The following UTS2B variants were observed in gnomAD, a reference collection of about 807,000 sequenced individuals.
UTS2B encodes urotensin 2B, also known as urotensin-2B.
UTS2B carries 21 observed loss-of-function variants against 19.2 expected under a neutral mutation model. That is an observed-to-expected ratio of 1.09 (90% CI 0.78 to 1.58). The LOEUF (loss-of-function observed/expected upper bound fraction) is 1.58. Ranked by LOEUF, UTS2B falls within the 40% of genes most tolerant of loss-of-function variation. The probability of loss-of-function intolerance (pLI) is 0.00; values close to 1 mark genes in which losing one functional copy is unlikely to be tolerated. For synonymous variants in UTS2B, 57 were observed against 50.2 expected (o/e 1.14, Z -0.58); for missense variants, 138 against 130.3 (o/e 1.06, Z -0.29).
At chr3:191,329,530 C>T in intron 1 of UTS2B, 3 of 721,292 alleles carry the variant, frequency 4.2e-6, no homozygotes, top group Non-Finnish European at 6.4e-6. Flanking sequence ...CCTGCCCGCC[C>T]GACCCGCTCC....
intron 4 of UTS2B, among the ~76,000 whole-genome samples, chr3:191,286,339 G>C (rs1378239221): frequency 6.6e-6 from 1 of 152,098 alleles, no homozygotes; most frequent in African/African-American, 2.4e-5. Context: ...CTTCTCAGGT[G>C]CATGCCAAAT....
chr3:191,336,951 G>C, the UTS2B span, among the ~76,000 whole-genome samples: 2 of 152,136 alleles, frequency 1.3e-5, no homozygotes, highest in Non-Finnish European at 2.9e-5. Flanking sequence ...CTTTTACAGT[G>C]TTTAATGATT....
intron 4 of UTS2B, among the ~76,000 whole-genome samples, chr3:191,300,771 G>T (rs1396953374): frequency 6.6e-6 from 1 of 152,144 alleles, no homozygotes; most frequent in East Asian, 1.9e-4. Context: ...AAAGTGTGTG[G>T]CAACTGCCCC....
intron 5 of UTS2B, among the ~76,000 whole-genome samples, chr3:191,280,004 A>G (rs1340889383): frequency 6.6e-6 from 1 of 152,138 alleles, no homozygotes; most frequent in African/African-American, 2.4e-5. Flanking sequence ...GTGTAGACAC[A>G]CATTTGACAC....
intron 4 of UTS2B, among the ~76,000 whole-genome samples, chr3:191,301,218 T>C (rs536883741): frequency 2.0e-4 from 31 of 152,232 alleles, no homozygotes; most frequent in African/African-American, 7.2e-4. Flanking sequence ...GAAAAGAAAA[T>C]TTGTCTCATT....
chr3:191,288,226 T>A (rs769109253), intron 4 of UTS2B, among the ~76,000 whole-genome samples: 4 of 152,158 alleles, frequency 2.6e-5, no homozygotes, highest in Non-Finnish European at 5.9e-5. Context: ...TTCACCGCAA[T>A]CTCTTTTAAA....
At chr3:191,277,397 G>T (rs1716265908) in intron 6 of UTS2B, among the ~76,000 whole-genome samples, 1 of 151,982 alleles carries the variant, frequency 6.6e-6, no homozygotes, top group South Asian at 2.1e-4. Flanking sequence ...CCAGCATTTT[G>T]TTCTATGAAT....
chr3:191,306,028 G>C (rs1226876063), intron 3 of UTS2B, among the ~76,000 whole-genome samples: 1 of 152,120 alleles, frequency 6.6e-6, no homozygotes, highest in Admixed American at 6.5e-5. Context: ...TGGTCTATGT[G>C]TCTGTTCTTG....
In UTS2B at chr3:191,308,001, A is replaced by G. The variant is rs140234372; in HGVS notation, c.-181-3453T>C. Among the ~76,000 whole-genome samples the G allele has an allele frequency of 4.0e-4, 61 of 152,076 alleles. No individual in the cohort carries two copies. The East Asian group carries it at 0.01, about 26-fold the overall frequency. On this transcript the variant is annotated intron_variant, in intron 3 of 8. Transcript: ENST00000340524. The stretch of plus-strand genomic sequence containing the variant: ...TAGGCACACTCCACCATGTCCGGCT[A>G]ACTTTTGTATTTTTAGTAAGGGCGG...
In UTS2B at chr3:191,319,042, G is replaced by A. The variant is rs115420283; in HGVS notation, c.-585-2603C>T. Among the ~76,000 whole-genome samples the A allele has an allele frequency of 2.1e-3, 315 of 151,512 alleles. 1 individual carries two copies. The highest frequency in any genetic ancestry group is 7.2e-3 in the African/African-American group (296 of 41,304). On this transcript the variant is annotated intron_variant, in intron 2 of 8. Transcript: ENST00000340524. ...AATTACCATAATAACTCTATCATACGAGATGTTTATAGCTAACAGGTTAGG... is the reference window on the plus strand; with the variant it reads ...AATTACCATAATAACTCTATCATACAAGATGTTTATAGCTAACAGGTTAGG...
chr3:191,307,767 CT>C (rs1409723842), intron 3 of UTS2B, among the ~76,000 whole-genome samples: 2 of 151,950 alleles, frequency 1.3e-5, no homozygotes, highest in Non-Finnish European at 2.9e-5. Flanking sequence ...AGTGGTCTCT[CT>C]TCTTTGTCAG....
chr3:191,344,160 A>G, the UTS2B span, among the ~76,000 whole-genome samples: 41 of 152,360 alleles, frequency 2.7e-4, no homozygotes, highest in Non-Finnish European at 4.6e-4. Flanking sequence ...ATGCTTGTGC[A>G]TGCATGCACA....
Position 191,277,198 on chromosome 3 carries a change from C to CATGT in UTS2B, c.203-358_203-355dup, listed in dbSNP as rs1716261004. Reference sequence around the variant, plus strand: ...GGGTTGTGGGCGGGGGGAAGCAAGCCATGTATTCTATGTATAATTCAATCG... The same window carrying CATGT: ...GGGTTGTGGGCGGGGGGAAGCAAGCCATGTATGTATTCTATGTATAATTCAATCG... On this transcript the variant is annotated intron_variant, in intron 6 of 8. Coordinates refer to ENST00000340524, the MANE Select transcript of UTS2B (RefSeq NM_198152.5). Among the ~76,000 whole-genome samples the CATGT allele has an allele frequency of 6.6e-5, 10 of 152,104 alleles. No homozygotes were observed. In the South Asian group the frequency reaches 2.1e-3, roughly 32 times the overall value.
the UTS2B span, among the ~76,000 whole-genome samples, chr3:191,338,570 C>G: frequency 6.6e-6 from 1 of 152,306 alleles, no homozygotes; most frequent in South Asian, 2.1e-4. Context: ...TTGCTGGATT[C>G]TAAGTTAACA....
chr3:191,319,734 G>A (rs370407534), intron 2 of UTS2B, among the ~76,000 whole-genome samples: 1 of 151,274 alleles, frequency 6.6e-6, no homozygotes, highest in Non-Finnish European at 1.5e-5. Context: ...CAGGTGTGGT[G>A]GCGGGTGCCT....
At chr3:191,303,164 AT>A (rs1044455482) in intron 4 of UTS2B, among the ~76,000 whole-genome samples, 8 of 152,116 alleles carry the variant, frequency 5.3e-5, no homozygotes, top group African/African-American at 1.9e-4. Flanking sequence ...AGTCCCCTAT[AT>A]CTTTTTGTAG....
rs956011319 is a variant in UTS2B at position 191,275,371 on chromosome 3, A to C, written c.241-26T>G. The C allele has an allele frequency of 1.9e-6, 3 of 1,584,192 alleles. No individual in the cohort carries two copies. In the African/African-American group the frequency reaches 4.0e-5, roughly 21 times the overall value. On this transcript the variant is annotated intron_variant, in intron 7 of 8. Transcript: ENST00000340524. ...CTGATAAAATTGTAAAATGATAATT[A>C]ATTGGTCTTCTATAAAACCATGCTG...
At chr3:191,318,076 G>T (rs1420589289) in intron 2 of UTS2B, among the ~76,000 whole-genome samples, 1 of 152,150 alleles carries the variant, frequency 6.6e-6, no homozygotes, top group Non-Finnish European at 1.5e-5. Flanking sequence ...TTGATGGAGG[G>T]TTATAATGTC....
At chr3:191,275,557 G>A (rs1172131467) in intron 7 of UTS2B, among the ~76,000 whole-genome samples, 1 of 152,084 alleles carries the variant, frequency 6.6e-6, no homozygotes, top group East Asian at 1.9e-4. Flanking sequence ...GCAGGCACCT[G>A]TAGTCCCAGC....
Sources: gnomAD v4.1 joint callset for allele counts (sites outside exome capture counted in the v4.1 genomes callset) on GRCh38, gnomAD v4.1.1 for gene constraint, MANE v1.5 for transcripts, NCBI Gene and HGNC (gene_info 2026-07-23, HGNC 2026-07-21) for gene names.